The following HEMK2 variants were observed in gnomAD, a reference collection of about 807,000 sequenced individuals.
HEMK2 encodes the protein methyltransferase HEMK2.
chr21:28,863,535 T>TGAGGG, the HEMK2 span, among the ~76,000 whole-genome samples: 1 of 146,340 alleles, frequency 6.8e-6, no homozygotes, highest in Non-Finnish European at 1.5e-5. Flanking sequence ...TGTATTCTAC[T>TGAGGG]ACAAGGCTTT....
At chr21:28,677,487 C>G in the HEMK2 span, among the ~76,000 whole-genome samples, 1 of 152,226 alleles carries the variant, frequency 6.6e-6, no homozygotes, top group Non-Finnish European at 1.5e-5. Context: ...CATAGCCAAA[C>G]AAAAGGCAGC....
chr21:28,872,050 A>G, the HEMK2 span: 3 of 152,178 alleles, frequency 2.0e-5, no homozygotes, highest in African/African-American at 7.2e-5. Context: ...TCAGTTGGAC[A>G]CGAATTTTGT....
At chr21:28,586,016 T>A in the HEMK2 span, among the ~76,000 whole-genome samples, 314 of 152,314 alleles carry the variant, frequency 2.1e-3, 1 homozygote, top group Non-Finnish European at 2.7e-3. Context: ...CACATATTAT[T>A]TATAACACTA....
At chr21:28,672,514 G>A in the HEMK2 span, among the ~76,000 whole-genome samples, 8 of 152,058 alleles carry the variant, frequency 5.3e-5, no homozygotes, top group South Asian at 4.2e-4. Flanking sequence ...CTCCTGTTTG[G>A]TAGAAAAGAA....
At chr21:28,627,265 T>C in the HEMK2 span, among the ~76,000 whole-genome samples, 2 of 152,192 alleles carry the variant, frequency 1.3e-5, no homozygotes, top group African/African-American at 2.4e-5. Context: ...TATGGAAATG[T>C]TACCTGTTTT....
chr21:28,730,410 ACACACAC>A, the HEMK2 span, among the ~76,000 whole-genome samples: 14,190 of 131,668 alleles, frequency 0.11, 894 homozygotes, highest in East Asian at 0.33. Context: ...ACACACACAC[ACACACAC>A]ATTTCTCACA....
chr21:28,630,181 T>C, the HEMK2 span, among the ~76,000 whole-genome samples: 3,255 of 152,020 alleles, frequency 0.021, 124 homozygotes, highest in African/African-American at 0.072. Context: ...ATTAACTTTC[T>C]TTTTTTTCAC....
the HEMK2 span, among the ~76,000 whole-genome samples, chr21:28,858,027 A>G: frequency 6.6e-6 from 1 of 152,194 alleles, no homozygotes. Context: ...AAGATCTTCT[A>G]TCCTTGGTCT....
the HEMK2 span, among the ~76,000 whole-genome samples, chr21:28,831,718 G>A: frequency 3.8e-3 from 269 of 70,104 alleles, 8 homozygotes; most frequent in African/African-American, 0.011. Context: ...AAGGAAGGAA[G>A]GAAGGAAGGA....
chr21:28,842,391 T>C, the HEMK2 span, among the ~76,000 whole-genome samples: 1 of 152,202 alleles, frequency 6.6e-6, no homozygotes, highest in Non-Finnish European at 1.5e-5. Context: ...TTTGTTGATT[T>C]AGCTGTATTT....
chr21:28,611,446 C>A, the HEMK2 span, among the ~76,000 whole-genome samples: 1 of 152,150 alleles, frequency 6.6e-6, no homozygotes, highest in Non-Finnish European at 1.5e-5. Context: ...TTCAAGGCTA[C>A]TATGGACATC....
chr21:28,647,797 C>T, the HEMK2 span, among the ~76,000 whole-genome samples: 1 of 152,182 alleles, frequency 6.6e-6, no homozygotes, highest in Non-Finnish European at 1.5e-5. Flanking sequence ...CCTCCTCCAC[C>T]TCTCCTTTCC....
chr21:28,832,695 C>G, the HEMK2 span, among the ~76,000 whole-genome samples: 5 of 152,202 alleles, frequency 3.3e-5, no homozygotes, highest in Non-Finnish European at 7.3e-5. Flanking sequence ...TACTCATACT[C>G]TAAATATTTG....
At chr21:28,841,063 A>T in the HEMK2 span, among the ~76,000 whole-genome samples, 4 of 41,562 alleles carry the variant, frequency 9.6e-5, no homozygotes, top group African/African-American at 4.6e-4. Flanking sequence ...ATTATATATA[A>T]ATAAATATTA....
the HEMK2 span, among the ~76,000 whole-genome samples, chr21:28,871,999 T>C: frequency 1.3e-5 from 2 of 152,304 alleles, no homozygotes; most frequent in African/African-American, 4.8e-5. Flanking sequence ...TGATTACATC[T>C]GCAAAGTCCC....
the HEMK2 span, chr21:28,873,110 A>C: frequency 6.6e-6 from 1 of 152,186 alleles, no homozygotes; most frequent in Non-Finnish European, 1.5e-5. Context: ...TCCATCTAAC[A>C]CGATTAACAA....
the HEMK2 span, among the ~76,000 whole-genome samples, chr21:28,693,165 C>T: frequency 6.6e-6 from 1 of 152,100 alleles, no homozygotes; most frequent in East Asian, 1.9e-4. Flanking sequence ...ATTATGTCTC[C>T]AGTAAAAACT....
chr21:28,725,015 C>A, the HEMK2 span, among the ~76,000 whole-genome samples: 3 of 152,130 alleles, frequency 2.0e-5, no homozygotes, highest in African/African-American at 7.2e-5. Context: ...AACTCTTGGC[C>A]TCAAGCAATC....
At chr21:28,682,844 T>C in the HEMK2 span, among the ~76,000 whole-genome samples, 7 of 152,046 alleles carry the variant, frequency 4.6e-5, no homozygotes, top group Non-Finnish European at 7.3e-5. Flanking sequence ...TAGGTAGGAA[T>C]TGAACAATGA....
Sources: allele counts gnomAD v4.1 joint callset (sites outside exome capture counted in the v4.1 genomes callset), GRCh38; gene constraint gnomAD v4.1.1; transcripts MANE v1.5; gene names NCBI Gene and HGNC (gene_info 2026-07-23, HGNC 2026-07-21).